The following IMMP2L variants were observed in gnomAD, a reference collection of about 807,000 sequenced individuals.
The protein encoded by IMMP2L is mitochondrial inner membrane protease subunit 2.
Under a neutral mutation model 19.3 loss-of-function variants are expected in IMMP2L, and 18 were observed. The ratio of observed to expected loss-of-function variants is 0.93; its 90% CI spans 0.64 to 1.38. IMMP2L has a LOEUF of 1.38. Among genes scored for constraint, IMMP2L ranks in the 40% most tolerant of loss-of-function variants. The probability of loss-of-function intolerance (pLI) is 0.00; values close to 1 mark genes in which losing one functional copy is unlikely to be tolerated. For synonymous variants in IMMP2L, 76 were observed against 73.0 expected (o/e 1.04, Z -0.21); for missense variants, 233 against 218.2 (o/e 1.07, Z -0.43).
chr7:110,757,431 T>C lies in IMMP2L; in HGVS notation c.409-93710A>G, dbSNP rs1470689599. On this transcript the variant is annotated intron_variant, in intron 5 of 5. Coordinates refer to ENST00000405709, the MANE Select transcript of IMMP2L (RefSeq NM_032549.4). This position sits in a 1 kb window ranked among gnomAD's most constrained non-coding sequence, Gnocchi z 4.2. ...GTGGGCGAGGGAGGCCTGTATGTGA[T>C]GTCTTTTATTTGGATCACCAGATAC... is the stretch of plus-strand genomic sequence containing the variant. Among the ~76,000 whole-genome samples, 1 of 152,080 alleles carries C rather than the reference T, an allele frequency of 6.6e-6. No homozygotes were observed. Among genetic ancestry groups the C allele is most frequent in the Non-Finnish European group, 1.5e-5 (1 of 68,008 alleles).
chr7:110,950,853 T>TAC (rs2129554148), intron 4 of IMMP2L, among the ~76,000 whole-genome samples: 1 of 125,172 alleles, frequency 8.0e-6, no homozygotes, highest in African/African-American at 3.9e-5. Context: ...TATATATATA[T>TAC]ATATATATAT....
At chr7:111,557,584 C>T (rs946770721) in intron 1 of IMMP2L, among the ~76,000 whole-genome samples, 6 of 152,212 alleles carry the variant, frequency 3.9e-5, no homozygotes, top group African/African-American at 1.4e-4. Context: ...ACAACCACTA[C>T]TAAAACCCTT....
intron 3 of IMMP2L, among the ~76,000 whole-genome samples, chr7:110,973,881 C>G (rs376519336): frequency 6.6e-6 from 1 of 152,044 alleles, no homozygotes; most frequent in East Asian, 1.9e-4. Flanking sequence ...TTCCATTGCT[C>G]AAACATGACC....
intron 5 of IMMP2L, among the ~76,000 whole-genome samples, chr7:110,850,733 A>C (rs1183236422): frequency 1.3e-5 from 2 of 151,946 alleles, no homozygotes; most frequent in East Asian, 3.9e-4. Context: ...AAGATACTCA[A>C]AAGTCAGGAA....
intron 3 of IMMP2L, among the ~76,000 whole-genome samples, chr7:111,038,046 T>C (rs892819577): frequency 3.3e-5 from 5 of 152,110 alleles, no homozygotes; most frequent in African/African-American, 4.8e-5. Context: ...TATAGTGAAA[T>C]ATTGACCGCA....
chr7:110,874,911 T>C (rs1317304164), intron 5 of IMMP2L, among the ~76,000 whole-genome samples: 1 of 152,014 alleles, frequency 6.6e-6, no homozygotes, highest in Non-Finnish European at 1.5e-5. Flanking sequence ...TAGAGGAGAA[T>C]ACTTTTTCCA....
At chr7:111,051,067 G>A (rs988773806) in intron 3 of IMMP2L, among the ~76,000 whole-genome samples, 1 of 152,174 alleles carries the variant, frequency 6.6e-6, no homozygotes, top group African/African-American at 2.4e-5. Context: ...GAGCCTAGAA[G>A]GTCAAGGCTG....
chr7:111,086,176 C>G (rs1414783770), intron 3 of IMMP2L, among the ~76,000 whole-genome samples: 1 of 151,282 alleles, frequency 6.6e-6, no homozygotes, highest in Non-Finnish European at 1.5e-5. Context: ...TCTGTAATCC[C>G]AGCCATTTGG....
At chr7:111,251,816 A>G (rs1038624314) in intron 3 of IMMP2L, among the ~76,000 whole-genome samples, 7 of 152,086 alleles carry the variant, frequency 4.6e-5, no homozygotes, top group African/African-American at 1.7e-4. Flanking sequence ...TGATGGGTTT[A>G]TCTGTGCAGC....
intron 3 of IMMP2L, among the ~76,000 whole-genome samples, chr7:111,251,311 C>T (rs1359340087): frequency 6.6e-6 from 1 of 152,138 alleles, no homozygotes; most frequent in Non-Finnish European, 1.5e-5. Flanking sequence ...TAAATTATTT[C>T]AACCATTGTG....
intron 3 of IMMP2L, among the ~76,000 whole-genome samples, chr7:111,427,392 T>C (rs919541066): frequency 1.3e-5 from 2 of 151,726 alleles, no homozygotes; most frequent in African/African-American, 4.9e-5. Context: ...TTCTTAGGAC[T>C]GGACAGTGCA....
intron 3 of IMMP2L, among the ~76,000 whole-genome samples, chr7:111,326,985 G>A (rs1825383519): frequency 6.6e-6 from 1 of 151,710 alleles, no homozygotes; most frequent in Admixed American, 6.6e-5. Flanking sequence ...TAGATGAAAG[G>A]ATAAGGAAAA....
chr7:110,922,177 G>A (rs372753600), intron 4 of IMMP2L, among the ~76,000 whole-genome samples: 3 of 152,152 alleles, frequency 2.0e-5, no homozygotes, highest in African/African-American at 7.2e-5. Flanking sequence ...AAGAACTGTA[G>A]AAATAGCTGT....
chr7:111,423,089 G>A (rs1362756813), intron 3 of IMMP2L, among the ~76,000 whole-genome samples: 5 of 151,792 alleles, frequency 3.3e-5, no homozygotes, highest in Admixed American at 3.3e-4. Flanking sequence ...TGGTGGATAA[G>A]CTTCTTGATG....
At chr7:111,138,410 C>A (rs1275752501) in intron 3 of IMMP2L, among the ~76,000 whole-genome samples, 1 of 152,116 alleles carries the variant, frequency 6.6e-6, no homozygotes, top group Non-Finnish European at 1.5e-5. Flanking sequence ...GCATTTCCTG[C>A]CCCAAATTAA....
rs1360085976 is a variant in IMMP2L at position 110,760,815 on chromosome 7, G to T, written c.409-97094C>A. Reference sequence around the variant, plus strand: ...CTATTTCTTACTACAAGTGTAGAACGCCAGATAGGATCATCACAGTAGGCA... The same window carrying T: ...CTATTTCTTACTACAAGTGTAGAACTCCAGATAGGATCATCACAGTAGGCA... On this transcript the variant is annotated intron_variant, in intron 5 of 5. Transcript: ENST00000405709. The surrounding 1 kb of genome is among the most constrained non-coding windows in gnomAD (Gnocchi z 4.2). Among the ~76,000 whole-genome samples the T allele has an allele frequency of 1.3e-5, 2 of 151,774 alleles. No individual in the cohort carries two copies. The highest frequency in any genetic ancestry group is 2.9e-5 in the Non-Finnish European group (2 of 67,952).
intron 3 of IMMP2L, among the ~76,000 whole-genome samples, chr7:111,099,140 G>A (rs1301228023): frequency 6.6e-6 from 1 of 151,602 alleles, no homozygotes; most frequent in Non-Finnish European, 1.5e-5. Flanking sequence ...CCATCGAGTG[G>A]AAGTCAACAT....
intron 5 of IMMP2L, among the ~76,000 whole-genome samples, chr7:110,781,697 A>G (rs1461284130): frequency 6.6e-6 from 1 of 151,858 alleles, no homozygotes; most frequent in Non-Finnish European, 1.5e-5. Context: ...TGAATTGTCA[A>G]AACTCTTCAT....
intron 3 of IMMP2L, among the ~76,000 whole-genome samples, chr7:111,409,097 T>C (rs1184021092): frequency 6.6e-6 from 1 of 151,806 alleles, no homozygotes; most frequent in Non-Finnish European, 1.5e-5. Flanking sequence ...TTGCATTTCC[T>C]CTATTATTCT....
Sources: allele counts gnomAD v4.1 joint callset (sites outside exome capture counted in the v4.1 genomes callset), GRCh38; gene constraint gnomAD v4.1.1; non-coding constraint Gnocchi (gnomAD v3.1); transcripts MANE v1.5; gene names NCBI Gene and HGNC (gene_info 2026-07-23, HGNC 2026-07-21).